SAP30BP: variants seen among roughly 807,000 people sequenced by gnomAD.
The protein encoded by SAP30BP is SAP30 binding protein, also known as SAP30-binding protein.
In SAP30BP, 31 loss-of-function variants were observed where a neutral mutation model predicts 46.3. The ratio of observed to expected loss-of-function variants is 0.67; its 90% CI spans 0.50 to 0.90. The LOEUF (loss-of-function observed/expected upper bound fraction) is 0.90, where lower values mean the gene tolerates loss of function less well. SAP30BP is among the 40% of genes least tolerant of loss of function. SAP30BP has a pLI of 0.00. For missense variants in SAP30BP, 312 were observed against 391.0 expected (o/e 0.80, Z 1.70); for synonymous variants, 169 against 144.2 (o/e 1.17, Z -1.23).
intron 2 of SAP30BP, 37 bp downstream of exon 2, chr17:75,668,662 A>G: frequency 1.5e-6 from 2 of 1,364,708 alleles, no homozygotes; most frequent in Non-Finnish European, 2.1e-6. Flanking sequence ...TACTGAAAGC[A>G]CAATTTCATT....
In SAP30BP at chr17:75,667,484, G is replaced by T. The variant is rs766910989; in HGVS notation, c.106+6G>T. 6.5e-5 allele frequency: 105 copies of T among 1,613,554 alleles called. No individual in the cohort carries two copies. The highest frequency in any genetic ancestry group is 8.3e-5 in the Non-Finnish European group (98 of 1,179,748). The stretch of plus-strand genomic sequence containing the variant: ...GGCGGTGGGCAGCGCGGCTGGTAAG[G>T]CCCAAGTGCGAAGCTGGAAGGGGGA... On this transcript the variant is annotated splice_donor_region_variant and intron_variant, in intron 1 of 10. Transcript: ENST00000584667.
chr17:75,704,658 C>T (rs1599176012), intron 8 of SAP30BP, 98 bp from the exon 9 acceptor site: 1 of 939,634 alleles, frequency 1.1e-6, no homozygotes. Flanking sequence ...CCATGAAGGC[C>T]TTTAGCCCGC....
At chr17:75,705,726 G>A in intron 9 of SAP30BP, 3 of 1,204,942 alleles carry the variant, frequency 2.5e-6, no homozygotes, top group Non-Finnish European at 3.2e-6. Flanking sequence ...AACGGTTCTG[G>A]GCATGTGAGG....
chr17:75,667,580 C>T, intron 1 of SAP30BP, 102 bp downstream of exon 1: 5 of 1,042,154 alleles, frequency 4.8e-6, no homozygotes, highest in Non-Finnish European at 7.2e-6. Context: ...GTGCTCCAAG[C>T]ACCGGACCCC....
At chr17:75,677,665 C>G (rs1332836845) in intron 3 of SAP30BP, among the ~76,000 whole-genome samples, 1 of 142,742 alleles carries the variant, frequency 7.0e-6, no homozygotes, top group Non-Finnish European at 1.5e-5. Context: ...AGGCAGGTCT[C>G]AAATTCCTGA....
chr17:75,667,546 G>A, intron 1 of SAP30BP, 68 bp downstream of exon 1: 4 of 1,437,688 alleles, frequency 2.8e-6, no homozygotes, highest in Non-Finnish European at 3.9e-6. Context: ...CCCTCGCTGG[G>A]CGGGAGGGAA....
chr17:75,699,842 C>A lies in SAP30BP; in HGVS notation c.367C>A (p.Pro123Thr). Reference sequence around the variant, plus strand: ...TGATGAAATCAAGATCCCGCCAGAACCCCCTGGCAGATGTTCAAATCACTT... The same window carrying A: ...TGATGAAATCAAGATCCCGCCAGAAACCCCTGGCAGATGTTCAAATCACTT... ...SPDEIKIPPE[P>T]PGRCSNHLQD... is the part of the protein sequence containing the mutation. Residue 123 changes from proline (P) to threonine (T), a missense_variant, in exon 5 of 11, where the codon CCC becomes ACC. Physicochemically the swap from Pro to Thr is conservative, Grantham distance 38 (BLOSUM62 -1). This residue lies in a region of SAP30BP where 296 missense variants were observed against 346.6 expected (regional missense o/e 0.85). Coordinates refer to ENST00000584667, the MANE Select transcript of SAP30BP (RefSeq NM_013260.8). 1 of 1,612,930 alleles carries A rather than the reference C, an allele frequency of 6.2e-7. No homozygotes were observed. The highest frequency in any genetic ancestry group is 1.7e-5 in the Admixed American group (1 of 60,004).
At chr17:75,674,697 GTTTT>G (rs66721865) in intron 3 of SAP30BP, among the ~76,000 whole-genome samples, 2 of 61,548 alleles carry the variant, frequency 3.2e-5, no homozygotes, top group African/African-American at 1.0e-4. Flanking sequence ...TTTGTTTTTT[GTTTT>G]TTTTTTTTTT....
chr17:75,682,028 C>A (rs928784652), intron 3 of SAP30BP, among the ~76,000 whole-genome samples: 4 of 151,756 alleles, frequency 2.6e-5, no homozygotes, highest in Admixed American at 6.6e-5. Flanking sequence ...AGAGCTTAAG[C>A]TTGGACTTTT....
At chr17:75,682,984 TGTATG>T (rs1339888677) in intron 3 of SAP30BP, among the ~76,000 whole-genome samples, 2 of 150,680 alleles carry the variant, frequency 1.3e-5, no homozygotes, top group Non-Finnish European at 3.0e-5. Context: ...AAAAAAGAAT[TGTATG>T]GTATAGGAGT....
chr17:75,697,703 C>G (rs1366776943), intron 4 of SAP30BP, among the ~76,000 whole-genome samples: 2 of 152,204 alleles, frequency 1.3e-5, no homozygotes, highest in African/African-American at 4.8e-5. Flanking sequence ...GCCCCAGGCT[C>G]GACTCCTGTC....
intron 4 of SAP30BP, among the ~76,000 whole-genome samples, chr17:75,696,550 A>G (rs1049432118): frequency 6.6e-6 from 1 of 150,438 alleles, no homozygotes; most frequent in Non-Finnish European, 1.5e-5. Flanking sequence ...TCTCAATTAA[A>G]AAAAAAAAAA....
At chr17:75,687,084 G>A (rs1181789102) in intron 3 of SAP30BP, among the ~76,000 whole-genome samples, 1 of 151,134 alleles carries the variant, frequency 6.6e-6, no homozygotes, top group African/African-American at 2.5e-5. Flanking sequence ...TTGCCTGATG[G>A]TTAAGAGCAC....
chr17:75,674,697 GTTTTTTTTTT>G (rs66721865), intron 3 of SAP30BP, among the ~76,000 whole-genome samples: 4 of 61,552 alleles, frequency 6.5e-5, no homozygotes, highest in South Asian at 1.6e-3. Flanking sequence ...TTTGTTTTTT[GTTTTTTTTTT>G]TTTTTTTTTT....
chr17:75,677,260 A>G (rs906831232), intron 3 of SAP30BP, among the ~76,000 whole-genome samples: 1 of 149,246 alleles, frequency 6.7e-6, no homozygotes, highest in East Asian at 2.0e-4. Context: ...ACGCGCCACC[A>G]TGGCCGGCTA....
At chr17:75,678,422 A>G (rs905646251) in intron 3 of SAP30BP, among the ~76,000 whole-genome samples, 3 of 151,804 alleles carry the variant, frequency 2.0e-5, no homozygotes, top group South Asian at 2.1e-4. Context: ...GAATAATGAC[A>G]AGCAAAAAAG....
chr17:75,687,945 TGTGTGTGTGTGAGAGA>T (rs1311522775), intron 3 of SAP30BP, among the ~76,000 whole-genome samples: 6 of 97,610 alleles, frequency 6.1e-5, no homozygotes, highest in East Asian at 3.4e-4. Context: ...TGTGTGTGTG[TGTGTGTGTGTGAGAGA>T]GACAGAGAGA....
At chr17:75,704,603 G>A (rs775837328) in intron 8 of SAP30BP, 153 bp from the exon 9 acceptor site, 14 of 675,746 alleles carry the variant, frequency 2.1e-5, no homozygotes, top group African/African-American at 3.6e-5. Flanking sequence ...GCCCTATGCC[G>A]ACCAAGGGCT....
At chr17:75,690,223 A>G (rs896905335) in intron 3 of SAP30BP, among the ~76,000 whole-genome samples, 3 of 152,124 alleles carry the variant, frequency 2.0e-5, no homozygotes, top group Non-Finnish European at 4.4e-5. Flanking sequence ...TCCATTTTTC[A>G]TACTAAATAC....
Sources: gnomAD v4.1 joint callset for allele counts (sites outside exome capture counted in the v4.1 genomes callset) on GRCh38, gnomAD v4.1.1 for gene constraint, gnomAD v4.1.1 regional missense constraint, MANE v1.5 for transcripts, NCBI Gene and HGNC (gene_info 2026-07-23, HGNC 2026-07-21) for gene names.